The following SMAP2 variants were observed in gnomAD, a reference collection of about 807,000 sequenced individuals.
The protein encoded by SMAP2 is stromal membrane-associated protein 2.
A neutral mutation model predicts 56.4 loss-of-function variants in SMAP2; 25 were observed. The observed-to-expected ratio is 0.44, with a 90% CI of 0.32 to 0.62. The LOEUF is 0.62. Among genes scored for constraint, SMAP2 ranks in the 20% least tolerant of loss-of-function variants. The pLI, the probability that SMAP2 is intolerant of heterozygous loss-of-function variation, is 0.04. For synonymous variants in SMAP2, 157 were observed against 181.7 expected (o/e 0.86, Z 1.09); for missense variants, 388 against 545.6 (o/e 0.71, Z 2.88).
intron 3 of SMAP2, among the ~76,000 whole-genome samples, chr1:40,409,036 A>G (rs1644911236): frequency 6.6e-6 from 1 of 152,222 alleles, no homozygotes; most frequent in Non-Finnish European, 1.5e-5. Context: ...CTCTGAAACT[A>G]TTGTTTGATT....
intron 1 of SMAP2, among the ~76,000 whole-genome samples, chr1:40,404,598 G>T (rs1459353035): frequency 6.6e-6 from 1 of 152,188 alleles, no homozygotes. Context: ...TAATGAATGT[G>T]TTTGGCTTCT....
upstream of SMAP2, among the ~76,000 whole-genome samples, chr1:40,372,353 G>A (rs556445922): frequency 4.6e-5 from 7 of 152,198 alleles, no homozygotes; most frequent in South Asian, 1.5e-3. Context: ...TGTTGCCCAG[G>A]CTGGATTCCA....
intron 1 of SMAP2, among the ~76,000 whole-genome samples, chr1:40,401,769 A>T (rs533826189): frequency 3.9e-5 from 6 of 152,216 alleles, no homozygotes; most frequent in Non-Finnish European, 8.8e-5. Flanking sequence ...TTACAAATGG[A>T]GACATAAGCC....
At chr1:40,375,551 C>G (rs1424817314) in intron 1 of SMAP2, among the ~76,000 whole-genome samples, 1 of 152,122 alleles carries the variant, frequency 6.6e-6, no homozygotes, top group Non-Finnish European at 1.5e-5. Context: ...ATTAGGAAAA[C>G]AAATTCCTAG....
At chr1:40,389,503 C>T (rs1644694985) in intron 1 of SMAP2, among the ~76,000 whole-genome samples, 1 of 152,188 alleles carries the variant, frequency 6.6e-6, no homozygotes, top group Non-Finnish European at 1.5e-5. Context: ...ATACTGTTAG[C>T]CCAGATAGCT....
rs188562691 is a variant in SMAP2 at position 40,346,876 on chromosome 1, G to A, written c.-83+1966G>A. Among the ~76,000 whole-genome samples, 258 of 151,798 alleles carry A rather than the reference G, an allele frequency of 1.7e-3. 2 individuals are homozygous for A. The highest frequency in any genetic ancestry group is 5.9e-3 in the African/African-American group (246 of 41,384). On this transcript the variant is annotated intron_variant, in intron 1 of 6. Coordinates refer to the SMAP2 transcript ENST00000435168. Reference sequence around the variant, plus strand: ...TTCATTTATTTTTAATTTTTTTAGAGACAAACTCTTGCTGTGTTGCCCAGG... The same window carrying A: ...TTCATTTATTTTTAATTTTTTTAGAAACAAACTCTTGCTGTGTTGCCCAGG...
intron 1 of SMAP2, among the ~76,000 whole-genome samples, chr1:40,357,330 C>T (rs1393478323): frequency 1.3e-5 from 2 of 152,130 alleles, no homozygotes; most frequent in Non-Finnish European, 2.9e-5. Flanking sequence ...TGACGTGTGC[C>T]TGTAGTCCTA....
At chr1:40,409,284 T>G (rs1232687039) in intron 3 of SMAP2, among the ~76,000 whole-genome samples, 2 of 151,022 alleles carry the variant, frequency 1.3e-5, no homozygotes, top group Non-Finnish European at 3.0e-5. Flanking sequence ...TTAAGGTTCT[T>G]TTTTTTTTAA....
intron 1 of SMAP2, among the ~76,000 whole-genome samples, chr1:40,399,878 G>A (rs1051794198): frequency 6.6e-6 from 1 of 152,168 alleles, no homozygotes; most frequent in Non-Finnish European, 1.5e-5. Flanking sequence ...GAGTTGAGGG[G>A]CAGTGGGTGG....
At chr1:40,379,903 A>T (rs1644580832) in intron 1 of SMAP2, among the ~76,000 whole-genome samples, 1 of 152,174 alleles carries the variant, frequency 6.6e-6, no homozygotes, top group African/African-American at 2.4e-5. Flanking sequence ...TACTGTTAAG[A>T]TGGCAGAGAG....
intron 1 of SMAP2, among the ~76,000 whole-genome samples, chr1:40,393,811 G>A (rs1426516493): frequency 2.6e-5 from 4 of 152,108 alleles, no homozygotes; most frequent in Non-Finnish European, 5.9e-5. Flanking sequence ...ATCCCAAAGT[G>A]CTGGGATTAA....
chr1:40,395,931 A>T (rs1248608340), intron 1 of SMAP2, among the ~76,000 whole-genome samples: 1 of 152,204 alleles, frequency 6.6e-6, no homozygotes, highest in African/African-American at 2.4e-5. Context: ...AGTACTTAGC[A>T]GTGTTCTACC....
At chr1:40,364,094 T>G (rs1373691129) in intron 2 of SMAP2, among the ~76,000 whole-genome samples, 1 of 152,180 alleles carries the variant, frequency 6.6e-6, no homozygotes, top group Non-Finnish European at 1.5e-5. Flanking sequence ...CAGAAACTGA[T>G]TAACATATGG....
At chr1:40,395,053 G>A (rs1024419214) in intron 1 of SMAP2, among the ~76,000 whole-genome samples, 2 of 152,154 alleles carry the variant, frequency 1.3e-5, no homozygotes, top group African/African-American at 2.4e-5. Flanking sequence ...GGAGTAATGA[G>A]AATTAAAGAC....
chr1:40,392,093 G>A (rs1389398585), intron 1 of SMAP2, among the ~76,000 whole-genome samples: 3 of 151,988 alleles, frequency 2.0e-5, no homozygotes, highest in Admixed American at 2.0e-4. Flanking sequence ...GTTAGCCATT[G>A]AAGTGGTGAT....
intron 9 of SMAP2, among the ~76,000 whole-genome samples, chr1:40,417,354 A>G (rs893898124): frequency 9.2e-5 from 14 of 152,068 alleles, no homozygotes; most frequent in African/African-American, 2.4e-5. Flanking sequence ...AAAAGCAAAA[A>G]CAAACACACA....
intron 1 of SMAP2, among the ~76,000 whole-genome samples, chr1:40,389,902 A>T (rs1189469643): frequency 7.9e-6 from 1 of 125,808 alleles, no homozygotes; most frequent in African/African-American, 3.0e-5. Flanking sequence ...TGATGCCCCC[A>T]CCTCCACCCA....
In SMAP2 at chr1:40,344,911, G is replaced by A. The variant is rs747257655; in HGVS notation, c.-83+1G>A. ...TGAGCCACAACTGTCACAACTCCAG[G>A]TTAGTCCCTAAGAAGATTTCTTTCT... On this transcript the variant is annotated splice_donor_variant, in intron 1 of 6. Coordinates refer to the SMAP2 transcript ENST00000435168. LOFTEE classifies it low-confidence loss of function (5UTR_SPLICE). 3.9e-5 allele frequency: 6 copies of A among 152,018 alleles called. No individual in the cohort carries two copies. Among genetic ancestry groups the A allele is most frequent in the African/African-American group, 7.2e-5 (3 of 41,382 alleles). 9.4% of individuals were successfully genotyped at this position (152,018 alleles called of 1,614,324 possible). A position where few individuals can be genotyped will look rare whatever the true frequency, so the allele number is the denominator to read the frequency against.
In SMAP2 at chr1:40,385,079, C is replaced by T. The variant is rs115905447; in HGVS notation, c.103+10856C>T. On this transcript the variant is annotated intron_variant, in intron 1 of 9. Transcript: ENST00000372718. This position sits in a 1 kb window ranked among gnomAD's most constrained non-coding sequence, Gnocchi z 4.5. ...AGCCCCAGAGATGAGCCAGATCTGC[C>T]TCAGCTGTGGCCATCCGTCAGCGTA... 1.8e-3 allele frequency among the ~76,000 whole-genome samples: 274 copies of T among 152,190 alleles called. 1 individual carries two copies. The highest frequency in any genetic ancestry group is 6.1e-3 in the African/African-American group (252 of 41,504).
Sources: allele counts gnomAD v4.1 joint callset (sites outside exome capture counted in the v4.1 genomes callset), GRCh38; gene constraint gnomAD v4.1.1; non-coding constraint Gnocchi (gnomAD v3.1); transcripts MANE v1.5; gene names NCBI Gene and HGNC (gene_info 2026-07-23, HGNC 2026-07-21).